HCRTR2: variants seen among roughly 807,000 people sequenced by gnomAD.
The protein encoded by HCRTR2 is orexin receptor type 2.
HCRTR2 carries 22 observed loss-of-function variants against 49.0 expected under a neutral mutation model. The ratio of observed to expected loss-of-function variants is 0.45; its 90% CI spans 0.32 to 0.64. The LOEUF (loss-of-function observed/expected upper bound fraction) is 0.64. Among genes scored for constraint, HCRTR2 ranks in the 30% least tolerant of loss-of-function variants. The pLI is 0.04. For missense variants in HCRTR2, 491 were observed against 559.4 expected, an observed-to-expected ratio of 0.88 and a Z score of 1.23; for synonymous variants, 236 against 205.3, an observed-to-expected ratio of 1.15 and a Z score of -1.28.
intron 1 of HCRTR2, among the ~76,000 whole-genome samples, chr6:55,114,448 C>G (rs1764090348): frequency 6.6e-6 from 1 of 151,690 alleles, no homozygotes; most frequent in Admixed American, 6.6e-5. Flanking sequence ...AACAGTATTT[C>G]CTCCCAGTAA....
chr6:55,274,310 T>C (rs1767035897), intron 4 of HCRTR2, among the ~76,000 whole-genome samples: 1 of 148,118 alleles, frequency 6.8e-6, no homozygotes, highest in South Asian at 2.1e-4. Context: ...TACTTATATA[T>C]ATATTTTATG....
At chr6:55,262,384 A>G (rs898523117) in intron 3 of HCRTR2, among the ~76,000 whole-genome samples, 9 of 137,054 alleles carry the variant, frequency 6.6e-5, no homozygotes, top group Non-Finnish European at 1.4e-4. Flanking sequence ...TATATATAAT[A>G]TTATATATAA....
intron 1 of HCRTR2, among the ~76,000 whole-genome samples, chr6:55,107,698 C>T (rs556142365): frequency 6.6e-6 from 1 of 152,192 alleles, no homozygotes; most frequent in East Asian, 1.9e-4. Flanking sequence ...TCAAGTTTTA[C>T]ACATACATAA....
At chr6:55,231,593 A>T (rs2127300134) in intron 1 of HCRTR2, among the ~76,000 whole-genome samples, 1 of 152,264 alleles carries the variant, frequency 6.6e-6, no homozygotes, top group East Asian at 1.9e-4. Flanking sequence ...AGAGAAATGT[A>T]TCATCTTAAT....
intron 1 of HCRTR2, among the ~76,000 whole-genome samples, chr6:55,189,876 A>G (rs1056596749): frequency 1.3e-5 from 2 of 152,236 alleles, no homozygotes; most frequent in Non-Finnish European, 2.9e-5. Flanking sequence ...TGTAATATAT[A>G]TCAACTGTAG....
At chr6:55,208,498 T>TA (rs201532345) in intron 1 of HCRTR2, among the ~76,000 whole-genome samples, 2,992 of 145,964 alleles carry the variant, frequency 0.02, 45 homozygotes, top group Middle Eastern at 0.058. Flanking sequence ...CCTCAAAAAA[T>TA]AAAAATAAAA....
At chr6:55,260,525 G>A (rs1211179085) in intron 3 of HCRTR2, among the ~76,000 whole-genome samples, 2 of 152,164 alleles carry the variant, frequency 1.3e-5, no homozygotes, top group Non-Finnish European at 2.9e-5. Flanking sequence ...TGATGAGGTA[G>A]GTGAGTGCTA....
chr6:55,106,889 C>A (rs911199920), intron 1 of HCRTR2, among the ~76,000 whole-genome samples: 25 of 152,022 alleles, frequency 1.6e-4, no homozygotes, highest in Admixed American at 6.6e-4. Flanking sequence ...GTAAAGGGGC[C>A]TGTGTTTAGC....
chr6:55,147,041 T>C (rs1764589133), intron 1 of HCRTR2, among the ~76,000 whole-genome samples: 1 of 152,196 alleles, frequency 6.6e-6, no homozygotes, highest in South Asian at 2.1e-4. Flanking sequence ...CAAATGTTTC[T>C]AAGAGACAGC....
chr6:55,265,140 C>G (rs1483905789), intron 4 of HCRTR2, among the ~76,000 whole-genome samples: 2 of 151,778 alleles, frequency 1.3e-5, no homozygotes, highest in Non-Finnish European at 2.9e-5. Flanking sequence ...ATTTTGTTTC[C>G]CATCATTTTT....
chr6:55,257,832 G>T (rs1274254622), intron 3 of HCRTR2, among the ~76,000 whole-genome samples: 1 of 151,740 alleles, frequency 6.6e-6, no homozygotes, highest in Non-Finnish European at 1.5e-5. Context: ...ATAATTAAAT[G>T]CTTGTAAAGA....
At chr6:55,247,666 G>A (rs1020227147) in intron 1 of HCRTR2, among the ~76,000 whole-genome samples, 24 of 152,008 alleles carry the variant, frequency 1.6e-4, no homozygotes, top group African/African-American at 5.6e-4. Context: ...TTTTATATAC[G>A]TCAGACCGAA....
rs781381349 is a variant in HCRTR2 at position 55,277,429 on chromosome 6, C to T, written c.812C>T (p.Pro271Leu). ...VVQRKWKPLQ[P>L]VSQPRGPGQP... ...CAGAGAAAATGGAAGCCCCTGCAGC[C>T]TGTTTCACAGCCTCGAGGGCCAGGA... Residue 271 changes from proline to leucine, a missense_variant, in exon 5 of 7, where the codon CCT (proline) becomes CTT (leucine). Pro to Leu is a moderately conservative substitution (Grantham distance 98). Transcript: ENST00000370862. 1.9e-6 allele frequency: 3 copies of T among 1,614,134 alleles called. No individual in the cohort carries two copies. The highest frequency in any genetic ancestry group is 4.5e-5 in the East Asian group (2 of 44,854).
At chr6:55,144,100 T>A (rs1294510092) in intron 1 of HCRTR2, among the ~76,000 whole-genome samples, 1 of 1,800 alleles carries the variant, frequency 5.6e-4, no homozygotes, top group Non-Finnish European at 4.5e-3. Context: ...CCGTCCTGCC[T>A]TTTTTTTTTT....
chr6:55,236,491 C>T (rs1400265866), intron 1 of HCRTR2, among the ~76,000 whole-genome samples: 2 of 151,976 alleles, frequency 1.3e-5, no homozygotes, highest in Non-Finnish European at 2.9e-5. Context: ...TTTATTTAAT[C>T]CTTTCCAAAC....
At chr6:55,141,086 G>A (rs1764499518) in intron 1 of HCRTR2, among the ~76,000 whole-genome samples, 1 of 151,754 alleles carries the variant, frequency 6.6e-6, no homozygotes, top group South Asian at 2.1e-4. Context: ...TGTAATCCCA[G>A]CACTTTGGGA....
intron 1 of HCRTR2, among the ~76,000 whole-genome samples, chr6:55,176,171 T>A (rs1329530664): frequency 6.6e-6 from 1 of 152,180 alleles, no homozygotes; most frequent in Non-Finnish European, 1.5e-5. Context: ...GCAGAATAGA[T>A]GATAGTATGT....
chr6:55,134,368 T>C (rs1227381590), intron 1 of HCRTR2, among the ~76,000 whole-genome samples: 1 of 151,912 alleles, frequency 6.6e-6, no homozygotes, highest in East Asian at 1.9e-4. Flanking sequence ...AAAAAATTTA[T>C]AATATGATAA....
intron 1 of HCRTR2, among the ~76,000 whole-genome samples, chr6:55,193,026 T>A (rs1376569229): frequency 6.6e-6 from 1 of 152,180 alleles, no homozygotes. Context: ...TCTGCTGAGA[T>A]CTAATCTGGG....
Sources: gnomAD v4.1 joint callset for allele counts (sites outside exome capture counted in the v4.1 genomes callset) on GRCh38, gnomAD v4.1.1 for gene constraint, MANE v1.5 for transcripts, NCBI Gene and HGNC (gene_info 2026-07-23, HGNC 2026-07-21) for gene names.